FSTL4: variants seen among roughly 807,000 people sequenced by gnomAD.
FSTL4 encodes the protein follistatin like 4.
A neutral mutation model predicts 78.2 loss-of-function variants in FSTL4; 28 were observed. The observed-to-expected ratio is 0.36, with a 90% CI of 0.27 to 0.49. The LOEUF is 0.49. Ranked by LOEUF, FSTL4 falls within the 20% of genes least tolerant of loss-of-function variation. The probability of loss-of-function intolerance (pLI) is 0.98; values close to 1 mark genes in which losing one functional copy is unlikely to be tolerated. For missense variants in FSTL4, 922 were observed against 1,084.9 expected (o/e 0.85, Z 2.11); for synonymous variants, 422 against 440.5 (o/e 0.96, Z 0.53).
At chr5:133,751,053 C>T in the FSTL4 span, among the ~76,000 whole-genome samples, 6 of 152,062 alleles carry the variant, frequency 3.9e-5, no homozygotes, top group Non-Finnish European at 5.9e-5. Context: ...TCCCATCCTT[C>T]GCCACCCTAC....
At chr5:133,305,686 C>T (rs916504742) in intron 6 of FSTL4, among the ~76,000 whole-genome samples, 6 of 152,178 alleles carry the variant, frequency 3.9e-5, no homozygotes, top group Non-Finnish European at 8.8e-5. Context: ...GAGTCTCTGC[C>T]CAGTGCTTCC....
intron 6 of FSTL4, among the ~76,000 whole-genome samples, chr5:133,309,873 C>T (rs1753739362): frequency 1.3e-5 from 2 of 152,214 alleles, no homozygotes; most frequent in Non-Finnish European, 2.9e-5. Flanking sequence ...GCTAATGCCT[C>T]AACCTCTGCC....
chr5:133,470,440 G>C (rs1007050674), intron 3 of FSTL4, among the ~76,000 whole-genome samples: 2 of 152,184 alleles, frequency 1.3e-5, no homozygotes, highest in Non-Finnish European at 1.5e-5. Flanking sequence ...AAGTGTGCTT[G>C]AAAATTAAAA....
intron 3 of FSTL4, among the ~76,000 whole-genome samples, chr5:133,448,064 C>T (rs1351247172): frequency 2.6e-5 from 4 of 152,066 alleles, no homozygotes; most frequent in Non-Finnish European, 5.9e-5. Context: ...TGAAAGTAGC[C>T]GTGGTTTAGT....
the FSTL4 span, among the ~76,000 whole-genome samples, chr5:133,769,454 G>A: frequency 2.6e-5 from 4 of 152,166 alleles, no homozygotes; most frequent in African/African-American, 9.7e-5. Flanking sequence ...TTCCAGCTCT[G>A]ACATGCTGGA....
At chr5:133,455,382 G>A (rs1434489816) in intron 3 of FSTL4, among the ~76,000 whole-genome samples, 1 of 152,196 alleles carries the variant, frequency 6.6e-6, no homozygotes, top group Non-Finnish European at 1.5e-5. Flanking sequence ...AAGAATGAAT[G>A]AGAGCATTTC....
At chr5:133,355,066 C>T (rs1754913375) in intron 4 of FSTL4, among the ~76,000 whole-genome samples, 1 of 152,230 alleles carries the variant, frequency 6.6e-6, no homozygotes, top group African/African-American at 2.4e-5. Flanking sequence ...CAGCCCTAAG[C>T]AGTTGTTGGT....
At chr5:133,342,823 C>T (rs185267160) in intron 4 of FSTL4, among the ~76,000 whole-genome samples, 15 of 152,314 alleles carry the variant, frequency 9.8e-5, no homozygotes, top group Admixed American at 2.6e-4. Flanking sequence ...CCCCCTTGGT[C>T]GTTTGCCTTC....
chr5:133,720,310 T>C, the FSTL4 span, among the ~76,000 whole-genome samples: 1 of 152,232 alleles, frequency 6.6e-6, no homozygotes, highest in African/African-American at 2.4e-5. Context: ...AAACTATCAA[T>C]ACATGTAAAT....
intron 2 of FSTL4, among the ~76,000 whole-genome samples, chr5:133,568,178 A>G (rs1337371823): frequency 1.3e-5 from 2 of 152,192 alleles, no homozygotes; most frequent in Non-Finnish European, 2.9e-5. Context: ...ATGGGGGGAA[A>G]GACTAGAAAT....
chr5:133,249,053 T>A (rs114888149), intron 7 of FSTL4, among the ~76,000 whole-genome samples: 188 of 152,286 alleles, frequency 1.2e-3, no homozygotes, highest in African/African-American at 4.4e-3. Flanking sequence ...AGCCTGCTGC[T>A]CTCTCTGCTG....
At chr5:133,763,944 CCAAGGCAGCT>C in the FSTL4 span, among the ~76,000 whole-genome samples, 1 of 152,160 alleles carries the variant, frequency 6.6e-6, no homozygotes, top group Non-Finnish European at 1.5e-5. Flanking sequence ...CCAAGCCAGC[CCAAGGCAGCT>C]GCTTCCTGCT....
At chr5:133,393,214 G>A (rs1755899213) in intron 4 of FSTL4, among the ~76,000 whole-genome samples, 1 of 152,150 alleles carries the variant, frequency 6.6e-6, no homozygotes, top group African/African-American at 2.4e-5. Context: ...TGAGGAGAGG[G>A]TATCCAACAT....
chr5:133,429,279 C>T (rs1016561401), intron 3 of FSTL4, among the ~76,000 whole-genome samples: 5 of 152,190 alleles, frequency 3.3e-5, no homozygotes, highest in African/African-American at 7.2e-5. Flanking sequence ...GGCAATGGCA[C>T]TGATGTGGGC....
At chr5:133,590,706 T>C (rs1042488353) in intron 2 of FSTL4, among the ~76,000 whole-genome samples, 7 of 152,092 alleles carry the variant, frequency 4.6e-5, no homozygotes, top group African/African-American at 1.7e-4. Flanking sequence ...GTTTGATGGG[T>C]CAGGCGTGGA....
intron 4 of FSTL4, among the ~76,000 whole-genome samples, chr5:133,341,363 C>A (rs1360739168): frequency 2.0e-5 from 3 of 151,940 alleles, no homozygotes; most frequent in Non-Finnish European, 4.4e-5. Flanking sequence ...CAAGGTGACT[C>A]CCTAACCATG....
At chr5:133,366,748 A>G (rs1580653178) in intron 4 of FSTL4, among the ~76,000 whole-genome samples, 1 of 151,750 alleles carries the variant, frequency 6.6e-6, no homozygotes, top group East Asian at 2.0e-4. Flanking sequence ...GGACCAATCC[A>G]AGATGGAAGC....
chr5:133,567,351 A>T, intron 2 of FSTL4, 132 bp from the exon 3 acceptor site: 2 of 711,208 alleles, frequency 2.8e-6, no homozygotes, highest in Middle Eastern at 3.6e-4. Flanking sequence ...GACACTGAGC[A>T]ATGTTGGTCT....
At chr5:133,239,214 C>G (rs1338403968) in intron 7 of FSTL4, among the ~76,000 whole-genome samples, 1 of 151,912 alleles carries the variant, frequency 6.6e-6, no homozygotes, top group Non-Finnish European at 1.5e-5. Context: ...CCCGCCATGC[C>G]TGAGCCTCCC....
Sources: gnomAD v4.1 joint callset for allele counts (sites outside exome capture counted in the v4.1 genomes callset) on GRCh38, gnomAD v4.1.1 for gene constraint, MANE v1.5 for transcripts, NCBI Gene and HGNC (gene_info 2026-07-23, HGNC 2026-07-21) for gene names.